The following COG6 variants were observed in gnomAD, a reference collection of about 807,000 sequenced individuals.
COG6 encodes conserved oligomeric Golgi complex subunit 6.
Under a neutral mutation model 88.8 loss-of-function variants are expected in COG6, and 74 were observed. The ratio of observed to expected loss-of-function variants is 0.83; its 90% CI spans 0.69 to 1.01. The LOEUF (loss-of-function observed/expected upper bound fraction) is 1.01, where lower values mean the gene tolerates loss of function less well. COG6 is among the 50% of genes least tolerant of loss of function. COG6 has a pLI of 0.00. For missense variants in COG6, 800 were observed against 797.9 expected (o/e 1.00, Z -0.03); for synonymous variants, 286 against 278.7 (o/e 1.03, Z -0.26).
At chr13:39,774,820 A>G (rs1344880204) in intron 18 of COG6, among the ~76,000 whole-genome samples, 1 of 152,004 alleles carries the variant, frequency 6.6e-6, no homozygotes, top group Non-Finnish European at 1.5e-5. Flanking sequence ...TGATCTGCCC[A>G]CCTCATCCTT....
chr13:39,709,763 C>T (rs1222264525), intron 13 of COG6, among the ~76,000 whole-genome samples: 18 of 152,040 alleles, frequency 1.2e-4, no homozygotes, highest in Non-Finnish European at 2.1e-4. Context: ...TGTACACACA[C>T]ACCACATTTT....
intron 18 of COG6, among the ~76,000 whole-genome samples, chr13:39,739,313 C>T (rs1349035143): frequency 6.6e-6 from 1 of 151,856 alleles, no homozygotes; most frequent in East Asian, 1.9e-4. Context: ...ACAAGAGTGT[C>T]AGTTTAGATT....
Position 39,719,222 on chromosome 13 carries a change from A to G in COG6, c.1285-14A>G. On this transcript the variant is annotated splice_polypyrimidine_tract_variant and intron_variant, in intron 13 of 18. Coordinates refer to ENST00000455146, the MANE Select transcript of COG6 (RefSeq NM_020751.3). ...AAAAAATATAAGGAGTGGGTAAATCATCTCTTGTTTTAGGTTGAACTCCCA... is the reference window on the plus strand; with the variant it reads ...AAAAAATATAAGGAGTGGGTAAATCGTCTCTTGTTTTAGGTTGAACTCCCA... 2 of 1,611,646 alleles carry G rather than the reference A, an allele frequency of 1.2e-6. No individual in the cohort carries two copies. Among genetic ancestry groups the G allele is most frequent in the South Asian group, 1.1e-5 (1 of 91,004 alleles).
intron 18 of COG6, among the ~76,000 whole-genome samples, chr13:39,778,838 A>G (rs912793159): frequency 3.3e-5 from 5 of 152,322 alleles, no homozygotes; most frequent in African/African-American, 1.2e-4. Flanking sequence ...GTGGGCCTCC[A>G]CACAGGCTGC....
In COG6 at chr13:39,711,944, C is replaced by T. The variant is rs141725546; in HGVS notation, c.1285-7292C>T. 5.3e-3 allele frequency among the ~76,000 whole-genome samples: 803 copies of T among 152,268 alleles called. 2 individuals are homozygous for T. Among genetic ancestry groups the T allele is most frequent in the Non-Finnish European group, 8.4e-3 (572 of 68,018 alleles). ...GTGCAATCTCACCTCACTACAACCT[C>T]CACCTCCTGGGTTCAAGCGATTCTC... On this transcript the variant is annotated intron_variant, in intron 13 of 18. Transcript: ENST00000455146.
chr13:39,791,171 T>C (rs1311944256), exon 19 of COG6: 1 of 152,082 alleles, frequency 6.6e-6, no homozygotes, highest in Non-Finnish European at 1.5e-5. Context: ...ACACCCACTT[T>C]CTATATGTAT....
intron 13 of COG6, among the ~76,000 whole-genome samples, chr13:39,707,777 A>G (rs1387217962): frequency 6.6e-6 from 1 of 152,146 alleles, no homozygotes; most frequent in Admixed American, 6.5e-5. Flanking sequence ...ATTCACCACA[A>G]TTTACTCATT....
rs755620414 is a variant in COG6, at chr13:39,687,574, G to C, written c.860G>C (p.Arg287Thr). 1 of 1,613,774 alleles carries C rather than the reference G, an allele frequency of 6.2e-7. No homozygotes were observed. The highest frequency in any genetic ancestry group is 8.5e-7 in the Non-Finnish European group (1 of 1,179,954). Residue 287 changes from arginine to threonine, a missense_variant, in exon 9 of 19, where the codon AGA becomes ACA. Coordinates refer to ENST00000455146, the MANE Select transcript of COG6 (RefSeq NM_020751.3). ...VVRGFIDALT[R>T]GGPGGTPRPI... ...CGTGGATTTATTGATGCGCTCACAA[G>C]AGGGGGCCCCGGAGGTACACCTAGA...
At chr13:39,678,075 C>CTT in intron 5 of COG6, 1 of 430,428 alleles carries the variant, frequency 2.3e-6, no homozygotes, top group Non-Finnish European at 4.6e-6. Context: ...TTTTCTTTTC[C>CTT]TTTTTTTTTG....
intron 18 of COG6, among the ~76,000 whole-genome samples, chr13:39,729,199 T>C (rs1328878217): frequency 6.6e-6 from 1 of 152,218 alleles, no homozygotes. Context: ...GACCCTGGTC[T>C]GTGGCCTGTT....
chr13:39,730,560 G>A (rs1368404266), intron 18 of COG6, among the ~76,000 whole-genome samples: 1 of 151,704 alleles, frequency 6.6e-6, no homozygotes, highest in Non-Finnish European at 1.5e-5. Flanking sequence ...CAGATCATGA[G>A]GTCAGGAGTT....
chr13:39,718,857 A>T (rs1306780799), intron 13 of COG6, among the ~76,000 whole-genome samples: 1 of 152,096 alleles, frequency 6.6e-6, no homozygotes, highest in African/African-American at 2.4e-5. Flanking sequence ...GACGTTTCTC[A>T]ATTATATTAT....
rs576738508 is a variant in COG6 at position 39,781,121 on chromosome 13, T to A, written c.1827-7214T>A. Among the ~76,000 whole-genome samples, 12 of 152,206 alleles carry A rather than the reference T, an allele frequency of 7.9e-5. No individual in the cohort carries two copies. The East Asian group carries it at 1.9e-3, about 24-fold the overall frequency. ...TCTTAAAGATGTTTCCTATTCACTG[T>A]GAGACTCTCATCCAAGGAAAATAAA... On this transcript the variant is annotated intron_variant, in intron 18 of 18. Transcript: ENST00000416691.
intron 14 of COG6, 29 bp downstream of exon 14, chr13:39,719,396 G>A: frequency 6.2e-7 from 1 of 1,603,934 alleles, no homozygotes; most frequent in Non-Finnish European, 8.5e-7. Flanking sequence ...TTTAATGATT[G>A]TTTTTTGCTC....
At chr13:39,783,719 A>C (rs1023804121) in intron 18 of COG6, among the ~76,000 whole-genome samples, 3 of 152,192 alleles carry the variant, frequency 2.0e-5, no homozygotes, top group African/African-American at 7.2e-5. Flanking sequence ...ACCCCAAACC[A>C]ACAAATGACC....
chr13:39,787,253 T>C (rs1881802235), intron 18 of COG6, among the ~76,000 whole-genome samples: 1 of 152,148 alleles, frequency 6.6e-6, no homozygotes, highest in South Asian at 2.1e-4. Context: ...AGCAAAGTGT[T>C]CTTGCACTGC....
At chr13:39,735,728 T>C (rs1879709283) in intron 18 of COG6, among the ~76,000 whole-genome samples, 1 of 97,946 alleles carries the variant, frequency 1.0e-5, no homozygotes, top group African/African-American at 3.7e-5. Flanking sequence ...TTTTTTTTGG[T>C]CTGGGAAAGC....
intron 13 of COG6, among the ~76,000 whole-genome samples, chr13:39,706,280 TAAA>T (rs1449106126): frequency 7.1e-6 from 1 of 140,292 alleles, no homozygotes; most frequent in East Asian, 2.1e-4. Context: ...TATATATATT[TAAA>T]TATATATAGA....
In COG6 at chr13:39,751,200, T is replaced by C. The variant is rs1880608580; in HGVS notation, c.*107T>C. 7.2e-6 allele frequency: 11 copies of C among 1,537,382 alleles called. No individual in the cohort carries two copies. Among genetic ancestry groups the C allele is most frequent in the Non-Finnish European group, 8.8e-6 (10 of 1,142,746 alleles). ...ATAATTTGATAGTTACAGTTTTCTT[T>C]GTATCATAAGATTGTAAGTCCCGAT... On this transcript the variant is annotated 3_prime_UTR_variant, in exon 19 of 19. Coordinates refer to ENST00000455146, the MANE Select transcript of COG6 (RefSeq NM_020751.3).
Sources: allele counts gnomAD v4.1 joint callset (sites outside exome capture counted in the v4.1 genomes callset), GRCh38; gene constraint gnomAD v4.1.1; transcripts MANE v1.5; gene names NCBI Gene and HGNC (gene_info 2026-07-23, HGNC 2026-07-21).